GPR158: variants seen among roughly 807,000 people sequenced by gnomAD.
The protein encoded by GPR158 is metabotropic glycine receptor.
GPR158 carries 30 observed loss-of-function variants against 78.2 expected under a neutral mutation model. The observed-to-expected ratio is 0.38, with a 90% CI of 0.29 to 0.52. The LOEUF is 0.52. Among genes scored for constraint, GPR158 ranks in the 20% least tolerant of loss-of-function variants. The pLI, the probability that GPR158 is intolerant of heterozygous loss-of-function variation, is 0.83. For synonymous variants in GPR158, 581 were observed against 591.1 expected (o/e 0.98, Z 0.25); for missense variants, 1,463 against 1,523.5 (o/e 0.96, Z 0.66).
At chr10:25,530,295 G>A (rs373317291) in intron 5 of GPR158, among the ~76,000 whole-genome samples, 4 of 152,314 alleles carry the variant, frequency 2.6e-5, no homozygotes, top group Non-Finnish European at 4.4e-5. Context: ...CGTGAATCTG[G>A]TTACGGCACC....
intron 1 of GPR158, among the ~76,000 whole-genome samples, chr10:25,177,672 G>A (rs1012710331): frequency 3.3e-5 from 5 of 152,192 alleles, no homozygotes; most frequent in African/African-American, 1.2e-4. Flanking sequence ...CAGTGAGGGA[G>A]TTGAACTAGA....
intron 2 of GPR158, among the ~76,000 whole-genome samples, chr10:25,348,897 A>G (rs1349654291): frequency 6.6e-6 from 1 of 152,030 alleles, no homozygotes; most frequent in Non-Finnish European, 1.5e-5. Context: ...GTTCAGTTCT[A>G]CTTTGGAGCC....
At chr10:25,224,224 A>T (rs1273040258) in intron 2 of GPR158, among the ~76,000 whole-genome samples, 1 of 152,110 alleles carries the variant, frequency 6.6e-6, no homozygotes, top group Admixed American at 6.6e-5. Context: ...AAATTAATTC[A>T]TATTAATTTT....
At chr10:25,588,428 A>G (rs1178748908) in intron 7 of GPR158, among the ~76,000 whole-genome samples, 1 of 152,226 alleles carries the variant, frequency 6.6e-6, no homozygotes, top group Non-Finnish European at 1.5e-5. Flanking sequence ...AAACCTTTCC[A>G]CACTCAACCC....
At chr10:25,305,443 C>T (rs892393373) in intron 2 of GPR158, among the ~76,000 whole-genome samples, 1 of 152,154 alleles carries the variant, frequency 6.6e-6, no homozygotes, top group Non-Finnish European at 1.5e-5. Flanking sequence ...CATAGGCCAA[C>T]AGATAATTAC....
At chr10:25,507,660 T>A (rs1836031046) in intron 5 of GPR158, among the ~76,000 whole-genome samples, 1 of 152,192 alleles carries the variant, frequency 6.6e-6, no homozygotes, top group Non-Finnish European at 1.5e-5. Context: ...TTTAAAAAAT[T>A]TAATGACATT....
chr10:25,418,121 T>C (rs1319592375), intron 4 of GPR158, among the ~76,000 whole-genome samples: 5 of 152,194 alleles, frequency 3.3e-5, no homozygotes, highest in Non-Finnish European at 1.5e-5. Context: ...TAGAGAGTTC[T>C]CTGTTCTCAA....
rs746807482 is a variant in GPR158 at position 25,602,127 on chromosome 10, C to G, written c.*2853C>G. 1 of 152,540 alleles carries G rather than the reference C, an allele frequency of 6.6e-6. No homozygotes were observed. Among genetic ancestry groups the G allele is most frequent in the Non-Finnish European group, 1.5e-5 (1 of 68,034 alleles). 9.4% of individuals were successfully genotyped at this position (152,540 alleles called of 1,614,324 possible). ...GTTCTCCTAAAACTATTATCTGAAACCTACAGCATCCCACCATGAAATATT... is the reference window on the plus strand; with the variant it reads ...GTTCTCCTAAAACTATTATCTGAAAGCTACAGCATCCCACCATGAAATATT... On this transcript the variant is annotated 3_prime_UTR_variant, in exon 11 of 11. Coordinates refer to ENST00000376351, the MANE Select transcript of GPR158 (RefSeq NM_020752.3).
intron 4 of GPR158, among the ~76,000 whole-genome samples, chr10:25,449,911 A>G (rs1046582708): frequency 6.6e-6 from 1 of 152,022 alleles, no homozygotes; most frequent in African/African-American, 2.4e-5. Context: ...TATATATTGT[A>G]TGTTTTTATA....
At chr10:25,436,254 C>A (rs979274190) in intron 4 of GPR158, among the ~76,000 whole-genome samples, 4 of 152,164 alleles carry the variant, frequency 2.6e-5, no homozygotes, top group East Asian at 3.9e-4. Context: ...TTCAAACTTA[C>A]CTGAGCATCT....
intron 5 of GPR158, among the ~76,000 whole-genome samples, chr10:25,543,338 C>T (rs1001232929): frequency 2.0e-5 from 3 of 152,142 alleles, no homozygotes; most frequent in African/African-American, 7.2e-5. Context: ...CCAGGCTAGT[C>T]TCAAACCCCT....
rs1024867476 is a variant in GPR158 at position 25,414,027 on chromosome 10, G to T, written c.1335+1554G>T. Among the ~76,000 whole-genome samples, 6 of 151,946 alleles carry T rather than the reference G, an allele frequency of 3.9e-5. No homozygotes were observed. The South Asian group carries it at 1.0e-3, about 26-fold the overall frequency. Reference sequence around the variant, plus strand: ...TGTCAGTGGCATAGCAGGTAGAATTGAAAGGTCTGTCTAACAAACTTCTCT... The same window carrying T: ...TGTCAGTGGCATAGCAGGTAGAATTTAAAGGTCTGTCTAACAAACTTCTCT... On this transcript the variant is annotated intron_variant, in intron 4 of 10. Transcript: ENST00000376351.
chr10:25,579,344 G>A (rs1179953751), intron 7 of GPR158, among the ~76,000 whole-genome samples: 2 of 152,160 alleles, frequency 1.3e-5, no homozygotes, highest in African/African-American at 4.8e-5. Flanking sequence ...TGAATTAACT[G>A]TTATAATTTC....
intron 5 of GPR158, among the ~76,000 whole-genome samples, chr10:25,481,032 C>T (rs1039954083): frequency 1.3e-5 from 2 of 152,236 alleles, no homozygotes; most frequent in South Asian, 2.1e-4. Flanking sequence ...GTCAGTCAGA[C>T]ACATAGGAGG....
At chr10:25,321,147 AACAG>A (rs1854942615) in intron 2 of GPR158, among the ~76,000 whole-genome samples, 1 of 152,224 alleles carries the variant, frequency 6.6e-6, no homozygotes, top group South Asian at 2.1e-4. Context: ...AGAAAGTCAT[AACAG>A]ACAATCTCTG....
At chr10:25,520,328 C>T (rs1438273019) in intron 5 of GPR158, among the ~76,000 whole-genome samples, 2,484 of 139,446 alleles carry the variant, frequency 0.018, 96 homozygotes, top group African/African-American at 0.067. Flanking sequence ...AATGTCCTCC[C>T]GTAGCTCAGA....
intron 2 of GPR158, among the ~76,000 whole-genome samples, chr10:25,300,462 T>C (rs1283792304): frequency 6.6e-6 from 1 of 152,198 alleles, no homozygotes; most frequent in Non-Finnish European, 1.5e-5. Context: ...CTTAACTGAA[T>C]TCCATCTGCA....
chr10:25,462,058 G>A (rs764001077), intron 4 of GPR158, among the ~76,000 whole-genome samples: 29 of 152,108 alleles, frequency 1.9e-4, no homozygotes, highest in Non-Finnish European at 2.8e-4. Context: ...CATAGCTAGC[G>A]AGGAGAAGTC....
At chr10:25,426,672 C>A (rs1834828464) in intron 4 of GPR158, among the ~76,000 whole-genome samples, 1 of 151,952 alleles carries the variant, frequency 6.6e-6, no homozygotes, top group African/African-American at 2.4e-5. Flanking sequence ...TGCCCCAGAA[C>A]AATTACAAGA....
Sources: gnomAD v4.1 joint callset for allele counts (sites outside exome capture counted in the v4.1 genomes callset) on GRCh38, gnomAD v4.1.1 for gene constraint, MANE v1.5 for transcripts, NCBI Gene and HGNC (gene_info 2026-07-23, HGNC 2026-07-21) for gene names.